The following EHBP1L1 variants were observed in gnomAD, a reference collection of about 807,000 sequenced individuals.
The protein encoded by EHBP1L1 is EH domain binding protein 1 like 1.
A neutral mutation model predicts 151.1 loss-of-function variants in EHBP1L1; 122 were observed. The observed-to-expected ratio is 0.81, with a 90% CI of 0.70 to 0.94. EHBP1L1 has a LOEUF of 0.94. EHBP1L1 is among the 40% of genes least tolerant of loss of function. The pLI, the probability that EHBP1L1 is intolerant of heterozygous loss-of-function variation, is 0.00. For missense variants in EHBP1L1, 1,941 were observed against 1,959.8 expected (o/e 0.99, Z 0.18); for synonymous variants, 878 against 810.1 (o/e 1.08, Z -1.42).
chr11:65,589,660 C>G, intron 12 of EHBP1L1, 91 bp from the exon 13 acceptor site: 1 of 1,441,184 alleles, frequency 6.9e-7, no homozygotes, highest in South Asian at 1.5e-5. Flanking sequence ...TCAAGGACCC[C>G]TCCTCCCCTC....
At chr11:65,584,217 C>T (rs1341780840) in intron 9 of EHBP1L1, 24 bp from the exon 10 acceptor site, 1 of 1,600,726 alleles carries the variant, frequency 6.2e-7, no homozygotes, top group Admixed American at 1.8e-5. Context: ...TATACATTCC[C>T]TAAGCCCACC....
Position 65,583,694 on chromosome 11 carries a change from G to C in EHBP1L1, c.3022G>C (p.Ala1008Pro), listed in dbSNP as rs888015254. 2 of 1,571,770 alleles carry C rather than the reference G, an allele frequency of 1.3e-6. No individual in the cohort carries two copies. The highest frequency in any genetic ancestry group is 1.9e-5 in the Admixed American group (1 of 52,950). ...SLPEAQVASG[A>P]GAGAPRASSP... ...GCCTGAAGCACAGGTGGCCAGTGGGGCAGGGGCTGGGGCGCCCAGGGCCTC... is the reference window on the plus strand; with the variant it reads ...GCCTGAAGCACAGGTGGCCAGTGGGCCAGGGGCTGGGGCGCCCAGGGCCTC... The change falls in exon 9 of 19, where the codon GCA becomes CCA. Residue 1008 changes from alanine (A) to proline (P), a missense_variant. Ala to Pro is a conservative substitution (Grantham distance 27, BLOSUM62 -1). Transcript: ENST00000309295.
rs1368879946 is a variant in EHBP1L1, at chr11:65,585,130, G to A, written c.3472G>A (p.Gly1158Ser). 1.1e-5 allele frequency: 16 copies of A among 1,483,484 alleles called. No homozygotes were observed. Among genetic ancestry groups the A allele is most frequent in the Non-Finnish European group, 1.2e-5 (14 of 1,124,170 alleles). 91.9% of individuals were successfully genotyped at this position (1,483,484 alleles called of 1,614,324 possible). ...ACAACTGGAGGGCGGCGGCGGCGCC[G>A]GCACGTACCGCGTGGGCAGCGCCCA... ...LVQLEGGGGA[G>S]TYRVGSAQPS... The change falls in exon 12 of 19, where the codon GGC becomes AGC. Residue 1158 changes from glycine to serine, a missense_variant. Physicochemically the swap from Gly to Ser is moderately conservative, Grantham distance 56 (BLOSUM62 0). Transcript: ENST00000309295. The surrounding 1 kb of genome is among the most constrained non-coding windows in gnomAD (Gnocchi z 4.0).
In EHBP1L1 at chr11:65,592,222, CGCCTGGAGCGCG is replaced by C. The variant is rs1221863907; in HGVS notation, c.4500_4511del (p.Arg1501_Glu1504del). ...CCCCAGCGCCCTGGAGGAGGACGAG[CGCCTGGAGCGCG>C]GCCTGGAACAGCGGCGCCGCAAGCT... On this transcript the variant is annotated inframe_deletion, in exon 19 of 19. Coordinates refer to ENST00000309295, the MANE Select transcript of EHBP1L1 (RefSeq NM_001099409.3). 1.3e-6 allele frequency: 2 copies of C among 1,544,414 alleles called. No individual in the cohort carries two copies. The highest frequency in any genetic ancestry group is 1.7e-6 in the Non-Finnish European group (2 of 1,151,268).
In EHBP1L1 at chr11:65,583,579, T is replaced by C. The variant is rs1396517944; in HGVS notation, c.2907T>C (p.Ser969=). ...TTTTAGAGTCTCCAGAGAACAAATC[T>C]GGTACTTTTAAGGCCCAGGAAGCGG... ...MKVLESPENK[S]GTFKAQEAEA... is the part of the protein sequence containing the mutation. The change falls in exon 9 of 19, where the codon TCT becomes TCC. Residue 969 remains serine, a synonymous_variant. Transcript: ENST00000309295. 1.2e-6 allele frequency: 2 copies of C among 1,607,458 alleles called. No homozygotes were observed. Among genetic ancestry groups the C allele is most frequent in the East Asian group, 4.5e-5 (2 of 44,702 alleles).
chr11:65,584,527 A>C lies in EHBP1L1; in HGVS notation c.3293A>C (p.Asn1098Thr), dbSNP rs754188503. The C allele has an allele frequency of 1.5e-5, 24 of 1,611,556 alleles. No individual in the cohort carries two copies. The African/African-American group carries it at 3.1e-4, about 21-fold the overall frequency. The change falls in exon 11 of 19, where the codon AAC (asparagine) becomes ACC (threonine). Residue 1098 changes from asparagine to threonine, a missense_variant. Physicochemically the swap from Asn to Thr is moderately conservative, Grantham distance 65. Coordinates refer to ENST00000309295, the MANE Select transcript of EHBP1L1 (RefSeq NM_001099409.3). ...SLDPLNIKQN[N>T]KQAFDGFAAL... ...GACCCACTCAACATCAAGCAGAACA[A>C]CAAGCAGGTGAGATGGGGTGGGGGA...
At position 65,581,096 on chromosome 11, in the gene EHBP1L1, G is replaced by A. The variant is rs1857582374; in HGVS notation, c.673G>A (p.Glu225Lys). 1.2e-6 allele frequency: 2 copies of A among 1,612,672 alleles called. No individual in the cohort carries two copies. The highest frequency in any genetic ancestry group is 1.6e-4 in the Middle Eastern group (1 of 6,082). ...RELKTLCEEE[E>K]EGQGRPQQAV... ...GCTGAAGACGCTTTGTGAGGAGGAG[G>A]AGGAAGGCCAAGGACGACCCCAGCA... The change falls in exon 7 of 19, where the codon GAG becomes AAG. Residue 225 changes from glutamate to lysine, a missense_variant. Glu to Lys is a moderately conservative substitution (Grantham distance 56). Coordinates refer to ENST00000309295, the MANE Select transcript of EHBP1L1 (RefSeq NM_001099409.3).
chr11:65,584,811 C>T, intron 11 of EHBP1L1, 148 bp from the exon 12 acceptor site: 1 of 1,166,176 alleles, frequency 8.6e-7, no homozygotes, highest in South Asian at 1.5e-5. Context: ...GGCCTTGTTG[C>T]TGGATTTCCC....
In EHBP1L1 at chr11:65,579,096, G is replaced by A. The variant is rs1471365991; in HGVS notation, c.123G>A (p.Val41=). 12 of 1,592,868 alleles carry A rather than the reference G, an allele frequency of 7.5e-6. No homozygotes were observed. Among genetic ancestry groups the A allele is most frequent in the African/African-American group, 1.3e-5 (1 of 74,528 alleles). ...CCCCCAGGCAGCCAGATAAGCTGGT[G>A]GTGGTATGGACCCGTCGGAACCGAC... ...CTKKWQPDKL[V]VVWTRRNRRI... The change falls in exon 2 of 19, where the codon GTG becomes GTA. Residue 41 remains valine, a synonymous_variant. Transcript: ENST00000309295.
At position 65,576,095 on chromosome 11, in the gene EHBP1L1, G is replaced by T. The variant is rs1011392302; in HGVS notation, c.-208G>T. The T allele has an allele frequency of 7.0e-5, 24 of 341,440 alleles. No homozygotes were observed. The highest frequency in any genetic ancestry group is 7.8e-5 in the Non-Finnish European group (15 of 191,802). 21.2% of individuals were successfully genotyped at this position (341,440 alleles called of 1,614,324 possible). A position where few individuals can be genotyped will look rare whatever the true frequency, so the allele number is the denominator to read the frequency against. ...CAGCTCCGCGCTCGCCACCCGACGC[G>T]CCCCAGGCGACCCCGCAGACTCAGC... On this transcript the variant is annotated 5_prime_UTR_variant, in exon 1 of 19. Transcript: ENST00000309295.
Position 65,583,250 on chromosome 11 carries a change from G to A in EHBP1L1, c.2578G>A (p.Glu860Lys), listed in dbSNP as rs1476538274. Residue 860 changes from glutamate (E) to lysine (K), a missense_variant, in exon 9 of 19, where the codon GAG becomes AAG. Coordinates refer to ENST00000309295, the MANE Select transcript of EHBP1L1 (RefSeq NM_001099409.3). ...CTCAGGGCCCGAGGCTGGAATGGCA[G>A]AGGCCCGAGTACTGATGACCCGTAA... ...GISGPEAGMA[E>K]ARVLMTRKTE... 6.2e-7 allele frequency: 1 copy of A among 1,613,356 alleles called. No individual in the cohort carries two copies. The highest frequency in any genetic ancestry group is 8.5e-7 in the Non-Finnish European group (1 of 1,179,806).
At chr11:65,584,806 T>C in intron 11 of EHBP1L1, 153 bp from the exon 12 acceptor site, 1 of 1,126,586 alleles carries the variant, frequency 8.9e-7, no homozygotes, top group Middle Eastern at 2.9e-4. Context: ...GGGCGGGCCT[T>C]GTTGCTGGAT....
At chr11:65,590,614 G>C in intron 16 of EHBP1L1, 22 bp downstream of exon 16, 10 of 1,605,644 alleles carry the variant, frequency 6.2e-6, no homozygotes, top group Non-Finnish European at 8.5e-6. Flanking sequence ...CCCCGGGCCA[G>C]GAGAGCAGAG....
At chr11:65,590,649 G>A (rs1590839761) in intron 16 of EHBP1L1, 57 bp downstream of exon 16, 16 of 1,427,912 alleles carry the variant, frequency 1.1e-5, no homozygotes, top group Non-Finnish European at 1.4e-5. Flanking sequence ...TTTGGTTAGA[G>A]TTCTTCACTA....
At position 65,576,381 on chromosome 11, in the gene EHBP1L1, C is replaced by G; in HGVS notation, c.79C>G (p.Leu27Val). Reference sequence around the variant, plus strand: ...CCAGTTCGTGGCCTGTTACCACGAGCTAGTGTTGGAGTGCACCAAGAAATG... The same window carrying G: ...CCAGTTCGTGGCCTGTTACCACGAGGTAGTGTTGGAGTGCACCAAGAAATG... ...KFQFVACYHE[L>V]VLECTKKWQP... Residue 27 changes from leucine to valine, a missense_variant, in exon 1 of 19, where the codon CTA (leucine) becomes GTA (valine). Leu to Val is a conservative substitution (Grantham distance 32). Transcript: ENST00000309295. 6.3e-7 allele frequency: 1 copy of G among 1,592,174 alleles called. No homozygotes were observed. Among genetic ancestry groups the G allele is most frequent in the Non-Finnish European group, 8.5e-7 (1 of 1,169,722 alleles).
rs1858314842 is a variant in EHBP1L1 at position 65,591,768 on chromosome 11, CCCCCCGCCACCCA to C, written c.4284-26_4284-14del. On this transcript the variant is annotated intron_variant, in intron 16 of 18. Coordinates refer to ENST00000309295, the MANE Select transcript of EHBP1L1 (RefSeq NM_001099409.3). ...TACGCCCCTTTTCCTGAACTGCCACCCCCCCGCCACCCACCCCCCGCCACCTTCCAGCATGGAG... is the reference window on the plus strand; with the variant it reads ...TACGCCCCTTTTCCTGAACTGCCACCCCCCCCGCCACCTTCCAGCATGGAG... The C allele has an allele frequency of 7.2e-6, 6 of 838,502 alleles. No individual in the cohort carries two copies. Among genetic ancestry groups the C allele is most frequent in the Non-Finnish European group, 1.0e-5 (5 of 500,160 alleles). 51.9% of individuals were successfully genotyped at this position (838,502 alleles called of 1,614,324 possible).
rs1418038701 is a variant in EHBP1L1 at position 65,581,890 on chromosome 11, G to C, written c.1218G>C (p.Lys406Asn). The C allele has an allele frequency of 6.2e-7, 1 of 1,613,684 alleles. No homozygotes were observed. Among genetic ancestry groups the C allele is most frequent in the East Asian group, 2.2e-5 (1 of 44,888 alleles). ...PRSGGREANTKRSGVRAGEAE... is the reference protein window; with the variant it reads ...PRSGGREANTNRSGVRAGEAE... ...CAGGAGGCAGAGAGGCAAACACTAA[G>C]AGGTCAGGAGTCAGAGCTGGGGAGG... Residue 406 changes from lysine (K) to asparagine (N), a missense_variant, in exon 9 of 19, where the codon AAG becomes AAC. Coordinates refer to ENST00000309295, the MANE Select transcript of EHBP1L1 (RefSeq NM_001099409.3).
At chr11:65,580,840 C>T (rs1857561695) in intron 6 of EHBP1L1, 3 of 1,244,512 alleles carry the variant, frequency 2.4e-6, no homozygotes, top group Middle Eastern at 2.9e-4. Flanking sequence ...TCATTCCTCC[C>T]TGCTGCTTGT....
Position 65,582,579 on chromosome 11 carries a change from CAG to C in EHBP1L1, c.1910_1911del (p.Glu637GlyfsTer12). The C allele has an allele frequency of 6.2e-7, 1 of 1,613,110 alleles. No individual in the cohort carries two copies. Among genetic ancestry groups the C allele is most frequent in the Non-Finnish European group, 8.5e-7 (1 of 1,179,748 alleles). Reference sequence around the variant, plus strand: ...TGTGAGGGACTGGAGACCCAGGAAACAGAGGTGGGGGTCATAGAGACCCCAGG... The same window carrying C: ...TGTGAGGGACTGGAGACCCAGGAAACAGGTGGGGGTCATAGAGACCCCAGG... On this transcript the variant is annotated frameshift_variant, in exon 9 of 19. Transcript: ENST00000309295. LOFTEE classifies it high-confidence loss of function.
Sources: gnomAD v4.1 joint callset for allele counts on GRCh38, gnomAD v4.1.1 for gene constraint, Gnocchi (gnomAD v3.1) non-coding constraint, MANE v1.5 for transcripts, NCBI Gene and HGNC (gene_info 2026-07-23, HGNC 2026-07-21) for gene names.